Variants in ARHGAP24 observed in about 807,000 individuals in gnomAD.
The protein encoded by ARHGAP24 is Rho GTPase activating protein 24.
A neutral mutation model predicts 76.4 loss-of-function variants in ARHGAP24; 50 were observed. That is an observed-to-expected ratio of 0.65 (90% CI 0.52 to 0.83). ARHGAP24 has a LOEUF of 0.83. Ranked by LOEUF, ARHGAP24 falls within the 40% of genes least tolerant of loss-of-function variation. The pLI, the probability that ARHGAP24 is intolerant of heterozygous loss-of-function variation, is 0.00. For synonymous variants in ARHGAP24, 345 were observed against 323.3 expected, an observed-to-expected ratio of 1.07 and a Z score of -0.72; for missense variants, 930 against 914.2, an observed-to-expected ratio of 1.02 and a Z score of -0.22.
At chr4:85,739,492 C>T (rs1241842454) in intron 3 of ARHGAP24, among the ~76,000 whole-genome samples, 1 of 152,114 alleles carries the variant, frequency 6.6e-6, no homozygotes, top group Non-Finnish European at 1.5e-5. Context: ...GCACTTAATC[C>T]TTCTAGAATC....
At chr4:85,639,423 T>A (rs1485491509) in intron 2 of ARHGAP24, among the ~76,000 whole-genome samples, 3 of 152,130 alleles carry the variant, frequency 2.0e-5, no homozygotes, top group African/African-American at 7.2e-5. Flanking sequence ...GCACCCGATC[T>A]AAATCTCAGG....
chr4:85,591,560 T>C (rs1277544235), intron 2 of ARHGAP24, among the ~76,000 whole-genome samples: 8 of 152,308 alleles, frequency 5.3e-5, no homozygotes, highest in Non-Finnish European at 7.4e-5. Flanking sequence ...GACTTAGTCA[T>C]TAGTTACAAG....
chr4:85,808,275 C>G (rs939975759), intron 3 of ARHGAP24, among the ~76,000 whole-genome samples: 2 of 152,182 alleles, frequency 1.3e-5, no homozygotes, highest in African/African-American at 2.4e-5. Context: ...GGCATTCTAA[C>G]GTACTATCTA....
At chr4:85,784,912 TATCTATCTATC>T (rs1463256999) in intron 3 of ARHGAP24, among the ~76,000 whole-genome samples, 6 of 6,238 alleles carry the variant, frequency 9.6e-4, no homozygotes, top group Non-Finnish European at 3.0e-3. Context: ...TATCTCTATC[TATCTATCTATC>T]TATCTATCTA....
chr4:85,597,576 T>C (rs920697616), intron 2 of ARHGAP24, among the ~76,000 whole-genome samples: 8 of 152,056 alleles, frequency 5.3e-5, no homozygotes, highest in Non-Finnish European at 1.0e-4. Context: ...TAGAATCTGT[T>C]TTACGTAGAA....
chr4:85,598,796 G>GA (rs932228417), intron 2 of ARHGAP24, among the ~76,000 whole-genome samples: 1 of 148,676 alleles, frequency 6.7e-6, no homozygotes, highest in South Asian at 2.1e-4. Flanking sequence ...ATTGCAGACT[G>GA]AAAAAAACTA....
intron 2 of ARHGAP24, among the ~76,000 whole-genome samples, chr4:85,671,385 G>A (rs886107887): frequency 4.6e-5 from 7 of 151,952 alleles, no homozygotes; most frequent in Admixed American, 3.9e-4. Flanking sequence ...ATATTTGTTG[G>A]CATCTTTCCT....
At chr4:85,615,648 C>G (rs1317495315) in intron 2 of ARHGAP24, among the ~76,000 whole-genome samples, 1 of 152,046 alleles carries the variant, frequency 6.6e-6, no homozygotes, top group Non-Finnish European at 1.5e-5. Flanking sequence ...GAATATATAA[C>G]TCTATGATAT....
intron 3 of ARHGAP24, among the ~76,000 whole-genome samples, chr4:85,870,391 C>T (rs1732456729): frequency 6.6e-6 from 1 of 152,098 alleles, no homozygotes; most frequent in Admixed American, 6.6e-5. Context: ...AGCAGATGAA[C>T]CTCAGTTGTT....
chr4:85,770,169 A>G (rs931383734), intron 3 of ARHGAP24, among the ~76,000 whole-genome samples: 1 of 152,316 alleles, frequency 6.6e-6, no homozygotes, highest in Non-Finnish European at 1.5e-5. Flanking sequence ...GGCCTCCTCT[A>G]TTCATTTCCA....
At chr4:85,691,668 T>C (rs1029232295) in intron 2 of ARHGAP24, among the ~76,000 whole-genome samples, 4 of 152,204 alleles carry the variant, frequency 2.6e-5, no homozygotes, top group Admixed American at 6.5e-5. Flanking sequence ...ACCCTTGCTC[T>C]TTTTGTTTTC....
chr4:85,525,845 T>C (rs112795095), intron 1 of ARHGAP24, among the ~76,000 whole-genome samples: 2 of 152,150 alleles, frequency 1.3e-5, no homozygotes, highest in Non-Finnish European at 2.9e-5. Flanking sequence ...GTTCTTGAAG[T>C]GTTGTCATGA....
At chr4:85,943,143 C>T (rs1279782781) in intron 5 of ARHGAP24, among the ~76,000 whole-genome samples, 2 of 152,214 alleles carry the variant, frequency 1.3e-5, no homozygotes, top group East Asian at 3.9e-4. Context: ...TGGATATACA[C>T]TTGCATAAAT....
chr4:85,948,415 C>T (rs1407857120), intron 5 of ARHGAP24, among the ~76,000 whole-genome samples: 1 of 152,032 alleles, frequency 6.6e-6, no homozygotes, highest in African/African-American at 2.4e-5. Flanking sequence ...GACATTATTG[C>T]AAAACATGTT....
At chr4:85,691,210 T>C (rs1298918981) in intron 2 of ARHGAP24, among the ~76,000 whole-genome samples, 2 of 152,184 alleles carry the variant, frequency 1.3e-5, no homozygotes, top group Non-Finnish European at 2.9e-5. Context: ...CCTGAGAGTA[T>C]GCTTGGTATG....
chr4:85,715,418 A>G (rs1025540531), intron 2 of ARHGAP24, among the ~76,000 whole-genome samples: 2 of 152,122 alleles, frequency 1.3e-5, no homozygotes, highest in Non-Finnish European at 2.9e-5. Flanking sequence ...TATTAAAATA[A>G]TAAATACTGT....
In ARHGAP24 at chr4:85,995,062, AC is replaced by A; in HGVS notation, c.1410del (p.Met472TrpfsTer16). 1 of 1,614,128 alleles carries A rather than the reference AC, an allele frequency of 6.2e-7. No homozygotes were observed. The highest frequency in any genetic ancestry group is 2.2e-5 in the East Asian group (1 of 44,862). ...RRSSSLKVSG[T>X]KMGTHSVQNG... ...GAGCTCTTCACTGAAGGTATCTGGT[AC>A]CAAAATGGGCACGCACAGTGTACAG... On this transcript the variant is annotated frameshift_variant, in exon 9 of 10. Coordinates refer to ENST00000395184, the MANE Select transcript of ARHGAP24 (RefSeq NM_001025616.3). LOFTEE classifies it high-confidence loss of function.
At chr4:85,550,997 C>T (rs1006804319) in intron 1 of ARHGAP24, among the ~76,000 whole-genome samples, 1 of 110,484 alleles carries the variant, frequency 9.1e-6, no homozygotes, top group Admixed American at 1.1e-4. Flanking sequence ...TTGATGGTCT[C>T]TCTTACTATC....
chr4:85,802,596 A>G (rs551370928), intron 3 of ARHGAP24, among the ~76,000 whole-genome samples: 1 of 152,364 alleles, frequency 6.6e-6, no homozygotes, highest in South Asian at 2.1e-4. Context: ...GTTCCATACC[A>G]GCCTAACCAA....
Sources: gnomAD v4.1 joint callset for allele counts (sites outside exome capture counted in the v4.1 genomes callset) on GRCh38, gnomAD v4.1.1 for gene constraint, MANE v1.5 for transcripts, NCBI Gene and HGNC (gene_info 2026-07-23, HGNC 2026-07-21) for gene names.